Variants in DPYD observed in about 807,000 individuals in gnomAD.
DPYD encodes dihydropyrimidine dehydrogenase [NADP(+)].
DPYD carries 109 observed loss-of-function variants against 116.2 expected under a neutral mutation model. The ratio of observed to expected loss-of-function variants is 0.94; its 90% CI spans 0.80 to 1.10. DPYD has a LOEUF of 1.10. Ranked by LOEUF, DPYD falls within the 50% of genes least tolerant of loss-of-function variation. DPYD has a pLI of 0.00. For missense variants in DPYD, 1,302 were observed against 1,254.5 expected (o/e 1.04, Z -0.57); for synonymous variants, 440 against 432.0 (o/e 1.02, Z -0.23).
chr1:97,921,042 G>T, upstream of DPYD: 1 of 1,309,098 alleles, frequency 7.6e-7, no homozygotes. Flanking sequence ...ACTAGGGCCG[G>T]CGGCGCGGGG....
At position 97,515,784 on chromosome 1, in the gene DPYD, C is replaced by T. The variant is rs201615754; in HGVS notation, c.1682G>A (p.Arg561Gln). ...ATPATSTSMI[R>Q]RAFEAGWGFA... ...ACCCCATCCAGCTTCAAAAGCTCTT[C>T]GAATCATTGATGTGCTGGTGGCTGG... The change falls in exon 13 of 23, where the codon CGA becomes CAA. Residue 561 changes from arginine to glutamine, a missense_variant. Coordinates refer to ENST00000370192, the MANE Select transcript of DPYD (RefSeq NM_000110.4). 25 of 1,612,764 alleles carry T rather than the reference C, an allele frequency of 1.6e-5. No homozygotes were observed. Among genetic ancestry groups the T allele is most frequent in the Middle Eastern group, 1.6e-4 (1 of 6,074 alleles).
intron 8 of DPYD, among the ~76,000 whole-genome samples, chr1:97,647,496 C>T (rs1258713516): frequency 1.3e-5 from 2 of 151,716 alleles, no homozygotes; most frequent in East Asian, 3.9e-4. Flanking sequence ...AATATTTATC[C>T]AGCGTGAGTG....
intron 12 of DPYD, 143 bp from the exon 13 acceptor site, chr1:97,516,084 G>T (rs1048673950): frequency 2.4e-6 from 2 of 821,584 alleles, no homozygotes; most frequent in Non-Finnish European, 4.0e-6. Context: ...CTGGCAAAAA[G>T]TCAGTGAGCA....
At chr1:97,440,623 C>CT (rs1251772676) in intron 14 of DPYD, among the ~76,000 whole-genome samples, 3 of 152,134 alleles carry the variant, frequency 2.0e-5, no homozygotes, top group African/African-American at 7.2e-5. Context: ...AACCCTAGAG[C>CT]AGTATACTTC....
intron 19 of DPYD, among the ~76,000 whole-genome samples, chr1:97,196,276 G>GTATT (rs1005826794): frequency 4.0e-5 from 6 of 151,270 alleles, no homozygotes; most frequent in African/African-American, 9.7e-5. Context: ...ATTGTTTTTG[G>GTATT]TATTTATTTA....
intron 11 of DPYD, among the ~76,000 whole-genome samples, chr1:97,556,334 T>TA (rs991110231): frequency 2.0e-5 from 3 of 151,734 alleles, no homozygotes; most frequent in African/African-American, 7.3e-5. Flanking sequence ...CCTTTTTTTT[T>TA]ATTTTATTTT....
At chr1:97,155,063 C>T (rs1444919045) in intron 20 of DPYD, among the ~76,000 whole-genome samples, 2 of 152,186 alleles carry the variant, frequency 1.3e-5, no homozygotes, top group East Asian at 1.9e-4. Context: ...TCTCAAGACC[C>T]GGTGGTGGGG....
intron 13 of DPYD, among the ~76,000 whole-genome samples, chr1:97,460,313 G>C (rs1028061152): frequency 7.9e-5 from 12 of 152,126 alleles, no homozygotes; most frequent in African/African-American, 2.7e-4. Context: ...GCTTGAGCTT[G>C]TATTACATGA....
At chr1:97,384,523 A>G (rs1672199566) in intron 14 of DPYD, among the ~76,000 whole-genome samples, 1 of 152,182 alleles carries the variant, frequency 6.6e-6, no homozygotes, top group Admixed American at 6.6e-5. Flanking sequence ...GTTTAGGAGC[A>G]AGGGGTTGCA....
chr1:97,838,972 A>G (rs577465409), intron 2 of DPYD, among the ~76,000 whole-genome samples: 11 of 152,372 alleles, frequency 7.2e-5, no homozygotes, highest in African/African-American at 2.6e-4. Context: ...TATAGGAACT[A>G]GAATCCGTGA....
chr1:97,920,202 A>T (rs2101726264), intron 1 of DPYD, among the ~76,000 whole-genome samples: 1 of 152,302 alleles, frequency 6.6e-6, no homozygotes, highest in Middle Eastern at 3.4e-3. Context: ...ATGTCGTTTC[A>T]GGTAGGACCT....
At chr1:97,220,240 C>T (rs1055965849) in intron 19 of DPYD, among the ~76,000 whole-genome samples, 7 of 151,828 alleles carry the variant, frequency 4.6e-5, no homozygotes, top group African/African-American at 9.7e-5. Flanking sequence ...TGGCTTTATA[C>T]GAAGAGAAAG....
chr1:97,862,718 C>T (rs1442493102), intron 2 of DPYD, among the ~76,000 whole-genome samples: 3 of 151,792 alleles, frequency 2.0e-5, no homozygotes, highest in African/African-American at 7.3e-5. Flanking sequence ...AACATAATAT[C>T]CCACAGTTAG....
chr1:97,278,485 G>C (rs1034879189), intron 18 of DPYD, among the ~76,000 whole-genome samples: 10 of 152,314 alleles, frequency 6.6e-5, no homozygotes, highest in Admixed American at 3.3e-4. Context: ...AGCTGTGATA[G>C]TTCAATGTTT....
At chr1:97,245,402 T>A (rs1662651734) in intron 18 of DPYD, among the ~76,000 whole-genome samples, 1 of 152,110 alleles carries the variant, frequency 6.6e-6, no homozygotes, top group Non-Finnish European at 1.5e-5. Context: ...TGCCTACAAT[T>A]TTAAAGGTTT....
Position 97,229,546 on chromosome 1 carries a change from GTATATATATATATATATA to G in DPYD, c.2442+5288_2442+5305del, listed in dbSNP as rs55638142. 1.2e-3 allele frequency among the ~76,000 whole-genome samples: 67 copies of G among 58,168 alleles called. 2 individuals are homozygous for G. The highest frequency in any genetic ancestry group is 7.1e-3 in the South Asian group (13 of 1,836). 38.2% of individuals were successfully genotyped at this position (58,168 alleles called of 152,430 possible). A position where few individuals can be genotyped will look rare whatever the true frequency, so the allele number is the denominator to read the frequency against. ...ATTTCCCACCTTATGACCATCCTAAGTATATATATATATATATATATATATATATATATATATATATAT... is the reference window on the plus strand; with the variant it reads ...ATTTCCCACCTTATGACCATCCTAAGTATATATATATATATATATATATAT... On this transcript the variant is annotated intron_variant, in intron 19 of 22. Transcript: ENST00000370192.
chr1:97,231,472 G>A lies in DPYD; in HGVS notation c.2442+3380C>T, dbSNP rs183940721. 1.4e-4 allele frequency among the ~76,000 whole-genome samples: 21 copies of A among 152,236 alleles called. No individual in the cohort carries two copies. The East Asian group carries it at 3.3e-3, about 24-fold the overall frequency. On this transcript the variant is annotated intron_variant, in intron 19 of 22. Coordinates refer to ENST00000370192, the MANE Select transcript of DPYD (RefSeq NM_000110.4). ...GAAGGCAAATGGTGAGCAAAGTCTC[G>A]TCTTACATGGCGGCAGGCAAGAGAG... is the stretch of plus-strand genomic sequence containing the variant.
chr1:97,545,059 TATAAA>T (rs1650724238), intron 12 of DPYD, among the ~76,000 whole-genome samples: 1 of 152,138 alleles, frequency 6.6e-6, no homozygotes, highest in East Asian at 1.9e-4. Flanking sequence ...AAAATAAGGG[TATAAA>T]AGAGTTTTTA....
Position 97,631,486 on chromosome 1 carries a change from A to C in DPYD, c.851-36320T>G, listed in dbSNP as rs567990406. Among the ~76,000 whole-genome samples, 3 of 152,186 alleles carry C rather than the reference A, an allele frequency of 2.0e-5. No individual in the cohort carries two copies. The South Asian group carries it at 6.2e-4, about 32-fold the overall frequency. On this transcript the variant is annotated intron_variant, in intron 8 of 22. Transcript: ENST00000370192. Reference sequence around the variant, plus strand: ...TTCTAGCAAGTAGCATTTTGCAATCATAAGTGCTTATGTGAACCCAATCTG... The same window carrying C: ...TTCTAGCAAGTAGCATTTTGCAATCCTAAGTGCTTATGTGAACCCAATCTG...
Sources: gnomAD v4.1 joint callset for allele counts (sites outside exome capture counted in the v4.1 genomes callset) on GRCh38, gnomAD v4.1.1 for gene constraint, MANE v1.5 for transcripts, NCBI Gene and HGNC (gene_info 2026-07-23, HGNC 2026-07-21) for gene names.